Variants in PCDHA8 observed in about 807,000 individuals in gnomAD.
The protein encoded by PCDHA8 is protocadherin alpha 8, also known as protocadherin alpha-8.
Under a neutral mutation model 61.8 loss-of-function variants are expected in PCDHA8, and 53 were observed. That is an observed-to-expected ratio of 0.86 (90% confidence interval 0.69 to 1.08). The LOEUF is 1.08. Among genes scored for constraint, PCDHA8 ranks in the 50% least tolerant of loss-of-function variants. The pLI, the probability that PCDHA8 is intolerant of heterozygous loss-of-function variation, is 0.00. For synonymous variants in PCDHA8, 618 were observed against 556.6 expected (o/e 1.11, Z -1.55); for missense variants, 1,293 against 1,245.0 (o/e 1.04, Z -0.58).
At chr5:140,942,541 G>C (rs1241528363) in intron 1 of PCDHA8, among the ~76,000 whole-genome samples, 1 of 152,056 alleles carries the variant, frequency 6.6e-6, no homozygotes, top group African/African-American at 2.4e-5. Context: ...CAGTATGGTG[G>C]GGGGTAGGGG....
chr5:140,967,725 T>C lies in PCDHA8; in HGVS notation c.2395-11224T>C, dbSNP rs782758957. 16 of 1,613,798 alleles carry C rather than the reference T, an allele frequency of 9.9e-6. No individual in the cohort carries two copies. The East Asian group carries it at 2.0e-4, about 20-fold the overall frequency. On this transcript the variant is annotated intron_variant, in intron 1 of 3. Transcript: ENST00000531613. ...GCCAGTACCGGGGAAGTGCGAGTAA[T>C]TGGGGGGCTGGATTATGAGGAAGCC...
intron 1 of PCDHA8, chr5:140,863,395 G>A: frequency 1.1e-6 from 1 of 921,404 alleles, no homozygotes; most frequent in Non-Finnish European, 1.7e-6. Flanking sequence ...GTGCATGCCG[G>A]GCAAGCCCAC....
Position 140,942,409 on chromosome 5 carries a change from T to TA in PCDHA8, c.2395-36528dup, listed in dbSNP as rs78736997. On this transcript the variant is annotated intron_variant, in intron 1 of 3. Coordinates refer to ENST00000531613, the MANE Select transcript of PCDHA8 (RefSeq NM_018911.3). Reference sequence around the variant, plus strand: ...CCTGGGCGACAGATGAGACTCTGTTTAAAAAAAAAAAAGATATCTAACAAT... The same window carrying TA: ...CCTGGGCGACAGATGAGACTCTGTTTAAAAAAAAAAAAAGATATCTAACAAT... Among the ~76,000 whole-genome samples, 1,256 of 143,596 alleles carry TA rather than the reference T, an allele frequency of 8.7e-3. 8 individuals are homozygous for TA. Among genetic ancestry groups the TA allele is most frequent in the African/African-American group, 0.03 (1,168 of 39,342 alleles). 94.2% of individuals were successfully genotyped at this position (143,596 alleles called of 152,430 possible).
intron 1 of PCDHA8, chr5:140,863,757 G>A (rs2048159267): frequency 4.1e-6 from 1 of 243,012 alleles, no homozygotes; most frequent in Non-Finnish European, 8.1e-6. Context: ...CCGGCACTTT[G>A]GGAAGCCGAG....
rs199520871 is a variant in PCDHA8 at position 140,848,784 on chromosome 5, G to C, written c.2394+5069G>C. 5.5e-5 allele frequency: 88 copies of C among 1,593,310 alleles called. 12 individuals are homozygous for C. Among genetic ancestry groups the C allele is most frequent in the Non-Finnish European group, 6.9e-5 (80 of 1,164,078 alleles). On this transcript the variant is annotated intron_variant, in intron 1 of 3. Coordinates refer to ENST00000531613, the MANE Select transcript of PCDHA8 (RefSeq NM_018911.3). ...TCGGATCGACCGCGAGGAGCTGTGC[G>C]GGCGGAGCGCGGAGTGCAGCATCCA...
intron 1 of PCDHA8, among the ~76,000 whole-genome samples, chr5:140,898,932 A>G (rs1330684874): frequency 6.6e-6 from 1 of 151,964 alleles, no homozygotes; most frequent in Admixed American, 6.6e-5. Flanking sequence ...ATTCCTAAGT[A>G]TTTTATTCTC....
intron 3 of PCDHA8, among the ~76,000 whole-genome samples, chr5:141,002,682 G>C (rs536105955): frequency 6.6e-6 from 1 of 152,140 alleles, no homozygotes; most frequent in African/African-American, 2.4e-5. Context: ...CCTATACGAC[G>C]TGCAGATTTG....
chr5:140,902,885 T>C (rs2069815301), intron 1 of PCDHA8, among the ~76,000 whole-genome samples: 1 of 152,238 alleles, frequency 6.6e-6, no homozygotes, highest in Admixed American at 6.5e-5. Context: ...CTGCAAAAGC[T>C]ATTATTTTAT....
intron 1 of PCDHA8, among the ~76,000 whole-genome samples, chr5:140,922,582 G>T (rs548638056): frequency 6.6e-5 from 10 of 152,160 alleles, no homozygotes; most frequent in Non-Finnish European, 1.5e-4. Flanking sequence ...CCCTGTAGCC[G>T]CCAGTTCTCA....
rs75087916 is a variant in PCDHA8, at chr5:140,963,063, T to G, written c.2395-15886T>G. Among the ~76,000 whole-genome samples, 783 of 152,260 alleles carry G rather than the reference T, an allele frequency of 5.1e-3. 9 individuals carry two copies. Among genetic ancestry groups the G allele is most frequent in the African/African-American group, 0.018 (742 of 41,556 alleles). ...AGAGTCTATAAGGGTTTCTACATTGTGAAGGAGACAGAAATATAAGACATG... is the reference window on the plus strand; with the variant it reads ...AGAGTCTATAAGGGTTTCTACATTGGGAAGGAGACAGAAATATAAGACATG... On this transcript the variant is annotated intron_variant, in intron 1 of 3. Transcript: ENST00000531613.
At position 140,856,588 on chromosome 5, in the gene PCDHA8, T is replaced by C. The variant is rs201362862; in HGVS notation, c.2394+12873T>C. The C allele has an allele frequency of 5.2e-5, 83 of 1,597,798 alleles. 1 individual carries two copies. In the East Asian group the frequency reaches 1.3e-3, roughly 25 times the overall value. ...GTCCAAATGAGTATTTTGTTCTTGA[T>C]ATTATAAACAAAAAAGACAAAGACA... On this transcript the variant is annotated intron_variant, in intron 1 of 3. Coordinates refer to ENST00000531613, the MANE Select transcript of PCDHA8 (RefSeq NM_018911.3).
At chr5:140,968,317 A>T (rs144335538) in intron 1 of PCDHA8, 17,308 of 1,614,002 alleles carry the variant, frequency 0.011, 130 homozygotes, top group Non-Finnish European at 0.013. Flanking sequence ...AAGGGCTGCC[A>T]GTCACCTCCT....
chr5:140,927,848 G>A (rs1295513512), intron 1 of PCDHA8: 3 of 1,614,062 alleles, frequency 1.9e-6, no homozygotes, highest in Non-Finnish European at 2.5e-6. Context: ...GGTGTCTTTG[G>A]TTTAGCTAGC....
In PCDHA8 at chr5:140,850,319, A is replaced by G; in HGVS notation, c.2394+6604A>G. The G allele has an allele frequency of 2.5e-6, 4 of 1,597,562 alleles. 1 individual carries two copies. The highest frequency in any genetic ancestry group is 1.1e-5 in the South Asian group (1 of 90,528). Reference sequence around the variant, plus strand: ...ACTCGGGCTACAACGCGTGGCTTTCATACGAGCTGCAGCCAGAAACGGCCA... The same window carrying G: ...ACTCGGGCTACAACGCGTGGCTTTCGTACGAGCTGCAGCCAGAAACGGCCA... On this transcript the variant is annotated intron_variant, in intron 1 of 3. Coordinates refer to ENST00000531613, the MANE Select transcript of PCDHA8 (RefSeq NM_018911.3).
rs2150482773 is a variant in PCDHA8, at chr5:140,850,408, A to G, written c.2394+6693A>G. The G allele has an allele frequency of 6.3e-6, 10 of 1,597,776 alleles. 1 individual carries two copies. The South Asian group carries it at 9.9e-5, about 16-fold the overall frequency. ...GAGATCAGCACAACGCGTGCCCTGG[A>G]CGAAACGGACGCACCGCGCCAGCGC... On this transcript the variant is annotated intron_variant, in intron 1 of 3. Coordinates refer to ENST00000531613, the MANE Select transcript of PCDHA8 (RefSeq NM_018911.3).
At chr5:140,964,677 A>G (rs578237071) in intron 1 of PCDHA8, among the ~76,000 whole-genome samples, 11 of 152,090 alleles carry the variant, frequency 7.2e-5, no homozygotes, top group Non-Finnish European at 1.0e-4. Flanking sequence ...CAGGTCCACA[A>G]TTTGTGCACT....
intron 1 of PCDHA8, among the ~76,000 whole-genome samples, chr5:140,956,473 A>G (rs1269855039): frequency 1.1e-4 from 17 of 152,136 alleles, no homozygotes; most frequent in Admixed American, 1.1e-3. Context: ...CATATGTTGA[A>G]CCAGTCTTGC....
intron 1 of PCDHA8, chr5:140,969,611 A>G: frequency 1.4e-6 from 1 of 723,476 alleles, no homozygotes; most frequent in Non-Finnish European, 2.2e-6. Flanking sequence ...TAAAACACAG[A>G]TTTGTAGAGA....
chr5:140,871,535 G>T (rs577559822), intron 1 of PCDHA8: 2 of 1,514,054 alleles, frequency 1.3e-6, no homozygotes, highest in Admixed American at 4.8e-5. Flanking sequence ...AAGTGTATGT[G>T]AAATTATTTA....
Sources: gnomAD v4.1 joint callset for allele counts (sites outside exome capture counted in the v4.1 genomes callset) on GRCh38, gnomAD v4.1.1 for gene constraint, MANE v1.5 for transcripts, NCBI Gene and HGNC (gene_info 2026-07-23, HGNC 2026-07-21) for gene names.